The following POLE variants were observed in gnomAD, a reference collection of about 807,000 sequenced individuals.
POLE encodes the protein DNA polymerase epsilon catalytic subunit A.
Under a neutral mutation model 279.2 loss-of-function variants are expected in POLE, and 188 were observed. The ratio of observed to expected loss-of-function variants is 0.67; its 90% CI spans 0.60 to 0.76. The LOEUF (loss-of-function observed/expected upper bound fraction) is 0.76, where lower values mean the gene tolerates loss of function less well. POLE is among the 30% of genes least tolerant of loss of function. POLE has a pLI of 0.00. For synonymous variants in POLE, 1,214 were observed against 1,172.5 expected, an observed-to-expected ratio of 1.04 and a Z score of -0.72; for missense variants, 2,703 against 3,016.7, an observed-to-expected ratio of 0.90 and a Z score of 2.44.
At chr12:132,638,992 T>C in intron 40 of POLE, 133 bp downstream of exon 40, 1 of 771,226 alleles carries the variant, frequency 1.3e-6, no homozygotes, top group Non-Finnish European at 2.1e-6. Context: ...TCCTTTGGAT[T>C]GTTATGCTCC....
intron 32 of POLE, among the ~76,000 whole-genome samples, chr12:132,646,945 A>G (rs1287443249): frequency 6.6e-6 from 1 of 152,172 alleles, no homozygotes; most frequent in Non-Finnish European, 1.5e-5. Context: ...GCAATCCACC[A>G]GCCTCAGCCT....
Position 132,680,048 on chromosome 12 carries a change from T to C in POLE, c.331-2A>G, listed in dbSNP as rs1565980363. ...AGATGAAACTTCTCGCTCACAACCCTAATCAGGATCAGAATGAAAAGGCTT... is the reference window on the plus strand; with the variant it reads ...AGATGAAACTTCTCGCTCACAACCCCAATCAGGATCAGAATGAAAAGGCTT... On this transcript the variant is annotated splice_acceptor_variant, in intron 4 of 48. Coordinates refer to ENST00000320574, the MANE Select transcript of POLE (RefSeq NM_006231.4). LOFTEE classifies it high-confidence loss of function. 1 of 1,612,880 alleles carries C rather than the reference T, an allele frequency of 6.2e-7. No homozygotes were observed.
chr12:132,653,222 A>T (rs1258919947), intron 29 of POLE, among the ~76,000 whole-genome samples: 1 of 152,196 alleles, frequency 6.6e-6, no homozygotes, highest in Non-Finnish European at 1.5e-5. Flanking sequence ...TCTACAAAAA[A>T]TACATAGCCA....
At chr12:132,625,358 C>T (rs2041812906) in intron 47 of POLE, 1 of 733,572 alleles carries the variant, frequency 1.4e-6, no homozygotes, top group African/African-American at 1.7e-5. Context: ...TGTGGCCGAG[C>T]TGTGCAACTC....
chr12:132,647,055 TCTTA>T (rs1334734786), intron 32 of POLE, among the ~76,000 whole-genome samples: 1 of 152,126 alleles, frequency 6.6e-6, no homozygotes, highest in Non-Finnish European at 1.5e-5. Context: ...TTATACATCA[TCTTA>T]CTTAGTCATT....
At chr12:132,666,337 C>T (rs2042796021) in intron 20 of POLE, among the ~76,000 whole-genome samples, 1 of 152,254 alleles carries the variant, frequency 6.6e-6, no homozygotes, top group African/African-American at 2.4e-5. Context: ...CCTGTAATCC[C>T]AGCCCTGTGG....
chr12:132,665,576 A>ACTCTTC, intron 20 of POLE, 126 bp from the exon 21 acceptor site: 2 of 1,049,362 alleles, frequency 1.9e-6, no homozygotes, highest in Non-Finnish European at 2.7e-6. Context: ...AAACCAGTAC[A>ACTCTTC]ATGAAGAGTG....
intron 45 of POLE, among the ~76,000 whole-genome samples, chr12:132,628,685 C>CAAAACA (rs1555301617): frequency 7.7e-6 from 1 of 129,194 alleles, no homozygotes; most frequent in African/African-American, 3.0e-5. Flanking sequence ...CAAAACAAAA[C>CAAAACA]AAAAAACTAC....
intron 16 of POLE, among the ~76,000 whole-genome samples, chr12:132,671,087 A>C (rs1448688030): frequency 6.6e-6 from 1 of 150,408 alleles, no homozygotes; most frequent in Non-Finnish European, 1.5e-5. Context: ...ACGTGGTGAA[A>C]CCTCATCTCT....
rs374062368 is a variant in POLE at position 132,668,585 on chromosome 12, C to G, written c.2026+50G>C. 1.3e-6 allele frequency: 2 copies of G among 1,587,060 alleles called. No homozygotes were observed. Among genetic ancestry groups the G allele is most frequent in the Non-Finnish European group, 1.7e-6 (2 of 1,159,842 alleles). On this transcript the variant is annotated intron_variant, in intron 18 of 48. Transcript: ENST00000320574. This position sits in a 1 kb window ranked among gnomAD's most constrained non-coding sequence, Gnocchi z 4.0. ...ACCAAGTGGAGAAAGGCGGCCGACA[C>G]TCACCCACCCGTTTCCCACCGAGTG... is the stretch of plus-strand genomic sequence containing the variant.
chr12:132,667,667 G>T lies in POLE; in HGVS notation c.2174-19C>A. ...CAGTAATCTAAGCACGACGGAGATG[G>T]GCAGAGCAGGTGGGTGAGATCTCCC... On this transcript the variant is annotated intron_variant, in intron 19 of 48. Transcript: ENST00000320574. 2.5e-6 allele frequency: 4 copies of T among 1,613,282 alleles called. No individual in the cohort carries two copies. The highest frequency in any genetic ancestry group is 3.4e-6 in the Non-Finnish European group (4 of 1,179,756).
At chr12:132,635,827 C>T (rs577268815) in intron 42 of POLE, 65 bp downstream of exon 42, 1 of 1,550,352 alleles carries the variant, frequency 6.5e-7, no homozygotes, top group Non-Finnish European at 8.7e-7. Flanking sequence ...GAGCACTCAG[C>T]ACTTGCTGCA....
chr12:132,648,897 T>C, intron 32 of POLE, 32 bp downstream of exon 32: 1 of 1,591,148 alleles, frequency 6.3e-7, no homozygotes, highest in African/African-American at 1.3e-5. Flanking sequence ...GCTGCCCAGA[T>C]GACTGCAGAG....
In POLE at chr12:132,682,872, G is replaced by A. The variant is rs534859152; in HGVS notation, c.63-1593C>T. Reference sequence around the variant, plus strand: ...GGAGGCTGAGGCAGGAGAATGGCGTGAATCCAGGAGGCAGAGCTTGCAGTG... The same window carrying A: ...GGAGGCTGAGGCAGGAGAATGGCGTAAATCCAGGAGGCAGAGCTTGCAGTG... On this transcript the variant is annotated intron_variant, in intron 1 of 48. Coordinates refer to ENST00000320574, the MANE Select transcript of POLE (RefSeq NM_006231.4). Among the ~76,000 whole-genome samples the A allele has an allele frequency of 9.2e-5, 14 of 152,018 alleles. No homozygotes were observed. The South Asian group carries it at 2.7e-3, about 29-fold the overall frequency.
At position 132,672,683 on chromosome 12, in the gene POLE, C is replaced by T. The variant is rs1279012935; in HGVS notation, c.1630G>A (p.Val544Met). Residue 544 changes from valine to methionine, a missense_variant, in exon 15 of 49, where the codon GTG becomes ATG. By Grantham distance (21) the Val-to-Met change is conservative. This residue lies in a region of POLE where 1,011 missense variants were observed against 1,111.7 expected (regional missense o/e 0.91). Transcript: ENST00000320574. ...LDSETYVGGHVEALESGVFRS... is the reference protein window; with the variant it reads ...LDSETYVGGHMEALESGVFRS... ...AAAACCCCAGACTCGAGGGCCTCCA[C>T]GTGGCCCCCGACGTAGGTCTCAGAG... 1.9e-6 allele frequency: 3 copies of T among 1,614,158 alleles called. No individual in the cohort carries two copies. Among genetic ancestry groups the T allele is most frequent in the Admixed American group, 1.7e-5 (1 of 60,026 alleles).
chr12:132,638,285 A>G, intron 40 of POLE, 146 bp from the exon 41 acceptor site: 2 of 546,666 alleles, frequency 3.7e-6, no homozygotes, highest in Admixed American at 4.0e-5. Flanking sequence ...GCTAATGAAG[A>G]GCAAAGATTT....
intron 32 of POLE, among the ~76,000 whole-genome samples, chr12:132,644,562 TTC>T (rs1466311345): frequency 6.6e-6 from 1 of 152,158 alleles, no homozygotes; most frequent in African/African-American, 2.4e-5. Context: ...TCTTCCTCCA[TTC>T]TCTCATGGGT....
At chr12:132,643,623 G>A (rs2138555123) in intron 33 of POLE, 63 bp from the exon 34 acceptor site, 1 of 1,604,140 alleles carries the variant, frequency 6.2e-7, no homozygotes, top group Non-Finnish European at 8.5e-7. Context: ...CTGCCCACGT[G>A]ACTTCTGCCC....
rs375466233 is a variant in POLE, at chr12:132,649,420, C to A, written c.3891G>T (p.Ser1297=). Residue 1297 remains serine, a synonymous_variant, in exon 31 of 49, where the codon TCG becomes TCT. Transcript: ENST00000320574. The part of the protein sequence containing the change: ...LARRKRQRLE[S]AEGVLRPGAI... Reference sequence around the variant, plus strand: ...CCCCGGGCCTGAGCACACCCTCTGCCGACTCCAGACGCTGCCTCTTCCTGC... The same window carrying A: ...CCCCGGGCCTGAGCACACCCTCTGCAGACTCCAGACGCTGCCTCTTCCTGC... 6.2e-7 allele frequency: 1 copy of A among 1,613,108 alleles called. No homozygotes were observed. The highest frequency in any genetic ancestry group is 8.5e-7 in the Non-Finnish European group (1 of 1,180,030).
Sources: gnomAD v4.1 joint callset for allele counts (sites outside exome capture counted in the v4.1 genomes callset) on GRCh38, gnomAD v4.1.1 for gene constraint, gnomAD v4.1.1 regional missense constraint, Gnocchi (gnomAD v3.1) non-coding constraint, MANE v1.5 for transcripts, NCBI Gene and HGNC (gene_info 2026-07-23, HGNC 2026-07-21) for gene names.